The following PARP4 variants were observed in gnomAD, a reference collection of about 807,000 sequenced individuals.
PARP4 encodes protein mono-ADP-ribosyltransferase PARP4.
In PARP4, 120 loss-of-function variants were observed where a neutral mutation model predicts 187.7. That is an observed-to-expected ratio of 0.64 (90% CI 0.55 to 0.74). PARP4 has a LOEUF of 0.74. Among genes scored for constraint, PARP4 ranks in the 30% least tolerant of loss-of-function variants. PARP4 has a pLI of 0.00. For synonymous variants in PARP4, 654 were observed against 740.9 expected (o/e 0.88, Z 1.90); for missense variants, 1,836 against 2,070.5 (o/e 0.89, Z 2.20).
intron 17 of PARP4, among the ~76,000 whole-genome samples, chr13:24,468,400 C>CTTT (rs140804702): frequency 6.6e-5 from 8 of 121,240 alleles, no homozygotes; most frequent in South Asian, 2.8e-4. Context: ...TATCACACTC[C>CTTT]TTTTTTTTTT....
chr13:24,434,710 C>A lies in PARP4; in HGVS notation c.4431G>T (p.Leu1477=). The A allele has an allele frequency of 6.2e-7, 1 of 1,614,028 alleles. No homozygotes were observed. Among genetic ancestry groups the A allele is most frequent in the Non-Finnish European group, 8.5e-7 (1 of 1,179,994 alleles). ...CCTCAGGTAAAGCAGAGGCCATTGG[C>A]AGCCTAAGGTTGGCAGTCAAAGAGG... is the stretch of plus-strand genomic sequence containing the variant. The part of the protein sequence containing the change: ...SAASLTANLR[L]PMASALPEAL... The change falls in exon 31 of 34, where the codon CTG becomes CTT. Residue 1477 remains leucine, a synonymous_variant. Transcript: ENST00000381989.
chr13:24,504,307 CTT>C (rs11434017), intron 1 of PARP4, among the ~76,000 whole-genome samples: 24 of 87,362 alleles, frequency 2.7e-4, no homozygotes, highest in South Asian at 4.2e-4. Flanking sequence ...CATTTAGGTT[CTT>C]TTTTTTTTTT....
chr13:24,508,396 T>C (rs1191758000), intron 1 of PARP4, among the ~76,000 whole-genome samples: 1 of 152,110 alleles, frequency 6.6e-6, no homozygotes, highest in Non-Finnish European at 1.5e-5. Flanking sequence ...TGTTGAAAAT[T>C]TGAAAAATAC....
rs550470559 is a variant in PARP4 at position 24,425,109 on chromosome 13, C to T, written c.4979+1357G>A. 6.2e-4 allele frequency among the ~76,000 whole-genome samples: 95 copies of T among 152,212 alleles called. 1 individual carries two copies. The highest frequency in any genetic ancestry group is 2.2e-3 in the African/African-American group (93 of 41,552). On this transcript the variant is annotated intron_variant, in intron 33 of 33. Coordinates refer to ENST00000381989, the MANE Select transcript of PARP4 (RefSeq NM_006437.4). ...TTGAGTTCAGGAGTTCCAGACCTGC[C>T]TGGGTAACATGGCAAAGCCCCTTCT...
rs150010982 is a variant in PARP4 at position 24,434,884 on chromosome 13, G to A, written c.4257C>T (p.Gly1419=). The change falls in exon 31 of 34, where the codon GGC becomes GGT. Residue 1419 remains glycine (G), a synonymous_variant. Transcript: ENST00000381989. The part of the protein sequence containing the change: ...AQSAPLQHPG[G]FTTRPSAGTF... ...TGCCAGCAGAAGGCCTGGTAGTAAA[G>A]CCTCCAGGATGTTGCAGTGGAGCAG... 7 of 1,614,032 alleles carry A rather than the reference G, an allele frequency of 4.3e-6. No homozygotes were observed. The African/African-American group carries it at 6.7e-5, about 15-fold the overall frequency.
intron 7 of PARP4, among the ~76,000 whole-genome samples, chr13:24,494,192 C>A (rs1868816775): frequency 6.6e-6 from 1 of 152,192 alleles, no homozygotes; most frequent in South Asian, 2.1e-4. Flanking sequence ...CCTCTTCCCT[C>A]CTGACATTTA....
intron 32 of PARP4, among the ~76,000 whole-genome samples, chr13:24,429,844 C>A (rs529340989): frequency 1.5e-4 from 23 of 152,280 alleles, no homozygotes; most frequent in Admixed American, 1.3e-3. Flanking sequence ...GGATTTTAAT[C>A]CTTAACTTCC....
At chr13:24,439,563 T>C (rs1486423052) in intron 30 of PARP4, among the ~76,000 whole-genome samples, 1 of 152,124 alleles carries the variant, frequency 6.6e-6, no homozygotes, top group African/African-American at 2.4e-5. Context: ...GTGGGAAAAA[T>C]GTATATAACA....
At position 24,435,177 on chromosome 13, in the gene PARP4, C is replaced by A. The variant is rs1870560307; in HGVS notation, c.3964G>T (p.Ala1322Ser). ...TSSFFPILAP[A>S]VGSYLPPTAR... ...GTCGGGGGAAGATAGGAACCAACGG[C>A]CGGAGCCAAAATAGGAAAAAAGCTA... The change falls in exon 31 of 34, where the codon GCC becomes TCC. Residue 1322 changes from alanine to serine, a missense_variant. Coordinates refer to ENST00000381989, the MANE Select transcript of PARP4 (RefSeq NM_006437.4). 6.2e-7 allele frequency: 1 copy of A among 1,614,026 alleles called. No homozygotes were observed. Among genetic ancestry groups the A allele is most frequent in the Non-Finnish European group, 8.5e-7 (1 of 1,180,024 alleles).
intron 6 of PARP4, among the ~76,000 whole-genome samples, chr13:24,496,433 T>C (rs1868959466): frequency 6.6e-6 from 1 of 152,208 alleles, no homozygotes; most frequent in African/African-American, 2.4e-5. Flanking sequence ...TAAATTGCAT[T>C]GATACTGGGG....
chr13:24,484,274 C>T (rs938048610), intron 12 of PARP4, among the ~76,000 whole-genome samples: 12 of 152,286 alleles, frequency 7.9e-5, no homozygotes, highest in African/African-American at 2.9e-4. Flanking sequence ...TCAAGTGATC[C>T]TCCTGCCTCA....
intron 12 of PARP4, among the ~76,000 whole-genome samples, chr13:24,483,354 TGG>T (rs1873378628): frequency 7.9e-6 from 1 of 126,534 alleles, no homozygotes; most frequent in Non-Finnish European, 1.7e-5. Context: ...GGCGCGGTGG[TGG>T]GCACCTGTAA....
intron 33 of PARP4, among the ~76,000 whole-genome samples, chr13:24,421,587 G>T (rs536384403): frequency 6.2e-4 from 94 of 152,144 alleles, no homozygotes; most frequent in African/African-American, 2.1e-3. Context: ...CGTTCCAGCC[G>T]CTCTACAGTT....
chr13:24,510,553 CAAAA>C (rs61708412), intron 1 of PARP4, among the ~76,000 whole-genome samples: 1 of 89,262 alleles, frequency 1.1e-5, no homozygotes, highest in Non-Finnish European at 2.1e-5. Flanking sequence ...GACTCCGTCT[CAAAA>C]AAAAAAAAAA....
At chr13:24,471,049 T>C (rs1872711350) in intron 15 of PARP4, among the ~76,000 whole-genome samples, 1 of 152,196 alleles carries the variant, frequency 6.6e-6, no homozygotes, top group Admixed American at 6.5e-5. Context: ...ATCTGGGCTA[T>C]GCTGCCTGCA....
Position 24,435,178 on chromosome 13 carries a change from C to T in PARP4, c.3963G>A (p.Pro1321=), listed in dbSNP as rs370744509. ...TCGGGGGAAGATAGGAACCAACGGC[C>T]GGAGCCAAAATAGGAAAAAAGCTAG... The part of the protein sequence containing the change: ...STSSFFPILA[P]AVGSYLPPTA... The change falls in exon 31 of 34, where the codon CCG becomes CCA. Residue 1321 remains proline (P), a synonymous_variant. Coordinates refer to ENST00000381989, the MANE Select transcript of PARP4 (RefSeq NM_006437.4). The T allele has an allele frequency of 3.9e-5, 63 of 1,614,108 alleles. No homozygotes were observed. The highest frequency in any genetic ancestry group is 2.1e-4 in the South Asian group (19 of 91,080).
Position 24,504,938 on chromosome 13 carries a change from G to T in PARP4, c.-1-1161C>A, listed in dbSNP as rs980822045. Reference sequence around the variant, plus strand: ...TTGAACTCCTGACCTCAAGTGATCTGCCCACCTTGGCCTCCCAAAATTGTG... The same window carrying T: ...TTGAACTCCTGACCTCAAGTGATCTTCCCACCTTGGCCTCCCAAAATTGTG... On this transcript the variant is annotated intron_variant, in intron 1 of 33. Coordinates refer to ENST00000381989, the MANE Select transcript of PARP4 (RefSeq NM_006437.4). Among the ~76,000 whole-genome samples, 3 of 150,112 alleles carry T rather than the reference G, an allele frequency of 2.0e-5. No individual in the cohort carries two copies. In the South Asian group the frequency reaches 6.3e-4, roughly 32 times the overall value.
intron 30 of PARP4, among the ~76,000 whole-genome samples, chr13:24,437,721 C>G (rs536142103): frequency 1.3e-5 from 2 of 152,106 alleles, no homozygotes; most frequent in African/African-American, 4.8e-5. Context: ...TGTGGAGCAT[C>G]CCAGCTACTC....
At chr13:24,504,269 A>G (rs1160489286) in intron 1 of PARP4, among the ~76,000 whole-genome samples, 2 of 142,812 alleles carry the variant, frequency 1.4e-5, no homozygotes, top group Non-Finnish European at 3.0e-5. Flanking sequence ...TGGAATATGT[A>G]TGTGTGTGTA....
Sources: gnomAD v4.1 joint callset for allele counts (sites outside exome capture counted in the v4.1 genomes callset) on GRCh38, gnomAD v4.1.1 for gene constraint, MANE v1.5 for transcripts, NCBI Gene and HGNC (gene_info 2026-07-23, HGNC 2026-07-21) for gene names.